LIPJ: variants seen among roughly 807,000 people sequenced by gnomAD.
The protein encoded by LIPJ is lipase member J.
In LIPJ, 33 loss-of-function variants were observed where a neutral mutation model predicts 39.8. The ratio of observed to expected loss-of-function variants is 0.83; its 90% CI spans 0.63 to 1.11. LIPJ has a LOEUF of 1.11. Ranked by LOEUF, LIPJ falls within the 50% of genes least tolerant of loss-of-function variation. The probability of loss-of-function intolerance (pLI) is 0.00; values close to 1 mark genes in which losing one functional copy is unlikely to be tolerated. For missense variants in LIPJ, 422 were observed against 427.9 expected (o/e 0.99, Z 0.12); for synonymous variants, 128 against 139.2 (o/e 0.92, Z 0.57).
In LIPJ at chr10:88,595,693, C is replaced by T. The variant is rs147101931; in HGVS notation, c.440-587C>T. On this transcript the variant is annotated intron_variant, in intron 6 of 10. Coordinates refer to ENST00000371939, the Ensembl canonical transcript of LIPJ. ...TCTTTGGCTGTTTGGCTTCTCAGAACCTGACCTAAATAAATAAATAATAAA... is the reference window on the plus strand; with the variant it reads ...TCTTTGGCTGTTTGGCTTCTCAGAATCTGACCTAAATAAATAAATAATAAA... Among the ~76,000 whole-genome samples the T allele has an allele frequency of 3.3e-5, 5 of 151,400 alleles. No individual in the cohort carries two copies. The East Asian group carries it at 7.8e-4, about 24-fold the overall frequency.
downstream of LIPJ, among the ~76,000 whole-genome samples, chr10:88,610,267 CAAGG>C (rs2134593841): frequency 6.6e-6 from 1 of 152,134 alleles, no homozygotes; most frequent in Non-Finnish European, 1.5e-5. Context: ...TTAAATTATC[CAAGG>C]TGCTAGAAAT....
At chr10:88,600,358 T>C (rs116389836) in intron 8 of LIPJ, among the ~76,000 whole-genome samples, 2,739 of 152,278 alleles carry the variant, frequency 0.018, 63 homozygotes, top group South Asian at 0.085. Context: ...TGAATTTGAG[T>C]TCAATAATCC....
At chr10:88,603,146 C>G (rs1395911107) in intron 9 of LIPJ, among the ~76,000 whole-genome samples, 1 of 151,860 alleles carries the variant, frequency 6.6e-6, no homozygotes, top group Non-Finnish European at 1.5e-5. Flanking sequence ...TTCTCTAAAC[C>G]TAAGTACTGT....
intron 2 of LIPJ, among the ~76,000 whole-genome samples, chr10:88,588,458 A>G (rs1055842144): frequency 2.6e-5 from 4 of 151,886 alleles, no homozygotes; most frequent in African/African-American, 9.7e-5. Context: ...TTCATGTTAG[A>G]AAAATGTGTA....
intron 8 of LIPJ, 26 bp from the exon 9 acceptor site, chr10:88,602,550 C>CT (rs11343654): frequency 8.4e-3 from 8,741 of 1,040,240 alleles, no homozygotes; most frequent in Non-Finnish European, 9.7e-3. Context: ...TATAAAAATG[C>CT]TTTTTTTTTT....
chr10:88,588,327 T>C (rs1422776076), intron 2 of LIPJ, among the ~76,000 whole-genome samples: 1 of 151,898 alleles, frequency 6.6e-6, no homozygotes, highest in African/African-American at 2.4e-5. Context: ...AAATTATTAA[T>C]ATCAAATTCA....
At chr10:88,610,619 A>T (rs1359889061), downstream of LIPJ, among the ~76,000 whole-genome samples, 1 of 152,188 alleles carries the variant, frequency 6.6e-6, no homozygotes, top group Non-Finnish European at 1.5e-5. Flanking sequence ...TAGAATTTAC[A>T]CTACCTAATT....
At chr10:88,604,790 G>C (rs372205694) in intron 9 of LIPJ, among the ~76,000 whole-genome samples, 1 of 152,108 alleles carries the variant, frequency 6.6e-6, no homozygotes, top group East Asian at 1.9e-4. Context: ...ATTTAGGAAA[G>C]ACTTATAAAA....
At chr10:88,587,975 T>C (rs1367494614) in intron 2 of LIPJ, among the ~76,000 whole-genome samples, 1 of 152,080 alleles carries the variant, frequency 6.6e-6, no homozygotes, top group Non-Finnish European at 1.5e-5. Flanking sequence ...TTTTACATTA[T>C]CTTTTTTTGT....
chr10:88,591,056 G>A lies in LIPJ; in HGVS notation c.10-322G>A, dbSNP rs573783544. On this transcript the variant is annotated intron_variant, in intron 3 of 10. Coordinates refer to ENST00000371939, the Ensembl canonical transcript of LIPJ. ...GCATGTATATTTTTAAATTGTATAC[G>A]AGTGGGTAGGTAAAAGTATGAGAGA... Among the ~76,000 whole-genome samples the A allele has an allele frequency of 8.6e-5, 13 of 151,790 alleles. No individual in the cohort carries two copies. The South Asian group carries it at 1.2e-3, about 15-fold the overall frequency.
chr10:88,601,758 C>T (rs1233372099), intron 8 of LIPJ, among the ~76,000 whole-genome samples: 1 of 152,030 alleles, frequency 6.6e-6, no homozygotes, highest in African/African-American at 2.4e-5. Flanking sequence ...TAATTTTTTT[C>T]ATTTTTGCTT....
chr10:88,614,373 CATTGT>C, the LIPJ span, among the ~76,000 whole-genome samples: 1 of 152,016 alleles, frequency 6.6e-6, no homozygotes, highest in Non-Finnish European at 1.5e-5. Flanking sequence ...GGTTGGGATT[CATTGT>C]ATTATTTTTC....
downstream of LIPJ, among the ~76,000 whole-genome samples, chr10:88,610,618 C>T (rs1461903073): frequency 6.6e-6 from 1 of 152,016 alleles, no homozygotes; most frequent in African/African-American, 2.4e-5. Context: ...ATAGAATTTA[C>T]ACTACCTAAT....
At chr10:88,620,571 C>T in the LIPJ span, among the ~76,000 whole-genome samples, 4 of 152,064 alleles carry the variant, frequency 2.6e-5, no homozygotes. Flanking sequence ...CATCATTAAT[C>T]ATGTGGGGAA....
intron 9 of LIPJ, among the ~76,000 whole-genome samples, chr10:88,605,400 A>T (rs1023198191): frequency 2.0e-5 from 3 of 152,156 alleles, no homozygotes; most frequent in Non-Finnish European, 4.4e-5. Context: ...GGCCCTGGGT[A>T]TATGTACATT....
At chr10:88,613,800 A>ATATATATATATATGTGTGTG in the LIPJ span, among the ~76,000 whole-genome samples, 203 of 74,024 alleles carry the variant, frequency 2.7e-3, no homozygotes, top group Middle Eastern at 0.014. Flanking sequence ...ATATATATAT[A>ATATATATATATATGTGTGTG]TGTGTGTGTG....
the LIPJ span, among the ~76,000 whole-genome samples, chr10:88,617,439 T>G: frequency 6.6e-6 from 1 of 152,232 alleles, no homozygotes; most frequent in Admixed American, 6.5e-5. Context: ...GGAATACGTC[T>G]CCTACTTTCC....
chr10:88,583,207 G>T, upstream of LIPJ: 1 of 1,613,258 alleles, frequency 6.2e-7, no homozygotes, highest in Non-Finnish European at 8.5e-7. Context: ...AGGGAGCAGC[G>T]ATCCGCGCTG....
intron 7 of LIPJ, 75 bp from the exon 8 acceptor site, chr10:88,596,715 T>C: frequency 7.9e-7 from 1 of 1,264,280 alleles, no homozygotes; most frequent in Non-Finnish European, 1.1e-6. Flanking sequence ...GTTTTATAGA[T>C]AGTGAATTAC....
Sources: gnomAD v4.1 joint callset for allele counts (sites outside exome capture counted in the v4.1 genomes callset) on GRCh38, gnomAD v4.1.1 for gene constraint, MANE v1.5 for transcripts, NCBI Gene and HGNC (gene_info 2026-07-23, HGNC 2026-07-21) for gene names.